Variants in ITPR3 observed in about 807,000 individuals in gnomAD.
The protein encoded by ITPR3 is inositol 1,4,5-trisphosphate receptor type 3, also known as inositol 1,4,5-trisphosphate-gated calcium channel ITPR3.
ITPR3 carries 173 observed loss-of-function variants against 293.2 expected under a neutral mutation model. That is an observed-to-expected ratio of 0.59 (90% CI 0.52 to 0.67). The LOEUF (loss-of-function observed/expected upper bound fraction) is 0.67. Among genes scored for constraint, ITPR3 ranks in the 30% least tolerant of loss-of-function variants. ITPR3 has a pLI of 0.00. For synonymous variants in ITPR3, 1,295 were observed against 1,444.4 expected (o/e 0.90, Z 2.35); for missense variants, 2,796 against 3,592.1 (o/e 0.78, Z 5.66).
At chr6:33,674,148 T>G (rs1453320055) in intron 23 of ITPR3, 60 bp from the exon 24 acceptor site, 12 of 1,590,878 alleles carry the variant, frequency 7.5e-6, no homozygotes, top group Non-Finnish European at 1.0e-5. Flanking sequence ...TGTCTCCCTG[T>G]GCTCCCCTCT....
At position 33,664,171 on chromosome 6, in the gene ITPR3, A is replaced by G. The variant is rs1269482787; in HGVS notation, c.1148+291A>G. Among the ~76,000 whole-genome samples, 3 of 152,148 alleles carry G rather than the reference A, an allele frequency of 2.0e-5. No homozygotes were observed. The highest frequency in any genetic ancestry group is 7.2e-5 in the African/African-American group (3 of 41,418). On this transcript the variant is annotated intron_variant, in intron 11 of 57. Transcript: ENST00000605930. This position sits in a 1 kb window ranked among gnomAD's most constrained non-coding sequence, Gnocchi z 4.4. The stretch of plus-strand genomic sequence containing the variant: ...GCAGCACAGGGAACCCAAACACTGG[A>G]TGGGAAGGCCAGACTCTCTGGCCTT...
In ITPR3 at chr6:33,665,209, C is replaced by T. The variant is rs762747056; in HGVS notation, c.1405C>T (p.Arg469Cys). 2.5e-6 allele frequency: 4 copies of T among 1,612,894 alleles called. No individual in the cohort carries two copies. Among genetic ancestry groups the T allele is most frequent in the East Asian group, 2.2e-5 (1 of 44,864 alleles). ...LNEGFISQND[R>C]RFVIQLLEDL... ...CGAGGGCTTCATCAGCCAGAATGAC[C>T]GCAGGTGGGCTGCAGTGGCACAGGG... is the stretch of plus-strand genomic sequence containing the variant. The change falls in exon 13 of 58, where the codon CGC (arginine) becomes TGC (cysteine). Residue 469 changes from arginine (R) to cysteine (C), a missense_variant. This residue lies in a region of ITPR3 where 955 missense variants were observed against 1,180.8 expected (regional missense o/e 0.81). Coordinates refer to ENST00000605930, the MANE Select transcript of ITPR3 (RefSeq NM_002224.4).
rs1279890506 is a variant in ITPR3 at position 33,672,096 on chromosome 6, G to A, written c.2796G>A (p.Lys932=). The A allele has an allele frequency of 6.2e-7, 1 of 1,613,912 alleles. No homozygotes were observed. ...TGTCCACCATGGTGCTGAGCCGCAA[G>A]CAGTCCGTCTTCAGTGCCCCCAGCC... ...HMMSTMVLSR[K]QSVFSAPSLS... is the part of the protein sequence containing the mutation. Residue 932 remains lysine, a synonymous_variant, in exon 22 of 58, where the codon AAG becomes AAA. Coordinates refer to ENST00000605930, the MANE Select transcript of ITPR3 (RefSeq NM_002224.4). The surrounding 1 kb of genome is among the most constrained non-coding windows in gnomAD (Gnocchi z 5.0).
chr6:33,668,757 T>C, intron 17 of ITPR3, 123 bp downstream of exon 17: 1 of 1,467,514 alleles, frequency 6.8e-7, no homozygotes, highest in South Asian at 1.3e-5. Flanking sequence ...AGCTGTGAAC[T>C]CTGTGCCTGT....
At chr6:33,651,663 A>G (rs1261186184) in intron 2 of ITPR3, among the ~76,000 whole-genome samples, 1 of 152,174 alleles carries the variant, frequency 6.6e-6, no homozygotes, top group Non-Finnish European at 1.5e-5. Flanking sequence ...GAGTGTTTCT[A>G]TGTCTGTTTT....
chr6:33,693,361 G>A (rs1044176390), intron 55 of ITPR3, among the ~76,000 whole-genome samples, 184 bp from the exon 56 acceptor site: 1 of 152,140 alleles, frequency 6.6e-6, no homozygotes, highest in Non-Finnish European at 1.5e-5. Flanking sequence ...CGGCAGGGCA[G>A]GATCTCCACT....
intron 56 of ITPR3, chr6:33,694,412 G>A (rs868483718): frequency 9.1e-5 from 15 of 164,526 alleles, no homozygotes; most frequent in Non-Finnish European, 1.7e-4. Context: ...CTCCCCCCCC[G>A]ACTCCTCTGT....
At chr6:33,671,350 C>A in intron 21 of ITPR3, 44 bp downstream of exon 21, 1 of 1,440,826 alleles carries the variant, frequency 6.9e-7, no homozygotes, top group Non-Finnish European at 9.6e-7. Flanking sequence ...GGTCCTCAGC[C>A]TCCTCCTAGC....
At chr6:33,695,360 G>C in intron 57 of ITPR3, 4 of 562,102 alleles carry the variant, frequency 7.1e-6, no homozygotes, top group South Asian at 6.8e-5. Context: ...ACAGCTGCCA[G>C]GTAGGTCCTT....
chr6:33,693,706 G>A lies in ITPR3; in HGVS notation c.7785+1G>A, dbSNP rs772672324. ...GAGCTACGTGGCCCAGATGATCAAG[G>A]TGTGAGCAGGGGCTGTGCCAGGCCT... is the stretch of plus-strand genomic sequence containing the variant. On this transcript the variant is annotated splice_donor_variant, in intron 56 of 57. Coordinates refer to ENST00000605930, the MANE Select transcript of ITPR3 (RefSeq NM_002224.4). LOFTEE classifies it high-confidence loss of function. 6.2e-7 allele frequency: 1 copy of A among 1,613,980 alleles called. No individual in the cohort carries two copies. Among genetic ancestry groups the A allele is most frequent in the Non-Finnish European group, 8.5e-7 (1 of 1,179,936 alleles).
Position 33,683,226 on chromosome 6 carries a change from G to T in ITPR3, c.4617G>T (p.Leu1539Phe). 6.5e-7 allele frequency: 1 copy of T among 1,538,832 alleles called. No individual in the cohort carries two copies. The highest frequency in any genetic ancestry group is 8.8e-7 in the Non-Finnish European group (1 of 1,135,602). ...ACCCAGCCAAGGGCCGGGCCATCTT[G>T]CTGCCCATGGACCTGGATGCCCACA... is the stretch of plus-strand genomic sequence containing the variant. ...LAMVAKGRAI[L>F]LPMDLDAHIS... The change falls in exon 35 of 58, where the codon TTG becomes TTT. Residue 1539 changes from leucine (L) to phenylalanine (F), a missense_variant. Physicochemically the swap from Leu to Phe is conservative, Grantham distance 22 (BLOSUM62 0). Coordinates refer to ENST00000605930, the MANE Select transcript of ITPR3 (RefSeq NM_002224.4). The surrounding 1 kb of genome is among the most constrained non-coding windows in gnomAD (Gnocchi z 4.5).
At chr6:33,625,571 A>T (rs750845131) in intron 1 of ITPR3, among the ~76,000 whole-genome samples, 9 of 152,328 alleles carry the variant, frequency 5.9e-5, no homozygotes, top group Non-Finnish European at 1.2e-4. Context: ...CCAGACCCAC[A>T]GAAAGTAAAC....
In ITPR3 at chr6:33,682,451, C is replaced by T. The variant is rs1021287487; in HGVS notation, c.4477-73C>T. ...CCACCCATGCCCATTCTGATTGGGC[C>T]CTGGTTCCTGGACCTGGGGTTGCCC... is the stretch of plus-strand genomic sequence containing the variant. On this transcript the variant is annotated intron_variant, in intron 33 of 57. Transcript: ENST00000605930. The surrounding 1 kb of genome is among the most constrained non-coding windows in gnomAD (Gnocchi z 5.4). 3.0e-5 allele frequency: 43 copies of T among 1,454,948 alleles called. No homozygotes were observed. Among genetic ancestry groups the T allele is most frequent in the Non-Finnish European group, 3.8e-5 (42 of 1,104,760 alleles). The allele number at this position is 1,454,948 out of a possible 1,614,324, so 90.1% of individuals were successfully genotyped here.
intron 1 of ITPR3, among the ~76,000 whole-genome samples, chr6:33,630,481 G>A (rs1369664473): frequency 6.6e-6 from 1 of 152,168 alleles, no homozygotes; most frequent in Non-Finnish European, 1.5e-5. Context: ...GCTGGCTGGC[G>A]GCCCATGGTT....
chr6:33,678,957 GC>G, intron 30 of ITPR3, 118 bp downstream of exon 30: 1 of 1,029,880 alleles, frequency 9.7e-7, no homozygotes, highest in African/African-American at 1.6e-5. Flanking sequence ...GGAACACTCA[GC>G]TGCTGACCAT....
chr6:33,689,779 TA>T (rs1180728675), intron 50 of ITPR3, among the ~76,000 whole-genome samples: 1 of 152,222 alleles, frequency 6.6e-6, no homozygotes, highest in African/African-American at 2.4e-5. Flanking sequence ...GAGCGAGGAA[TA>T]CCTTTCCCTG....
At chr6:33,677,880 C>T (rs531970048) in intron 28 of ITPR3, among the ~76,000 whole-genome samples, 2 of 152,224 alleles carry the variant, frequency 1.3e-5, no homozygotes, top group African/African-American at 4.8e-5. Context: ...GATTCTTGAC[C>T]TTGACTCCCT....
At position 33,691,424 on chromosome 6, in the gene ITPR3, A is replaced by G. The variant is rs1251332686; in HGVS notation, c.7226-191A>G. On this transcript the variant is annotated intron_variant, in intron 52 of 57. Coordinates refer to ENST00000605930, the MANE Select transcript of ITPR3 (RefSeq NM_002224.4). The surrounding 1 kb of genome is among the most constrained non-coding windows in gnomAD (Gnocchi z 4.9). ...GTGTGCCAGGCCTAGGGGTACAGAG[A>G]CCCCTCCCTGCCCTTAGTGTGCAAC... Among the ~76,000 whole-genome samples, 3 of 151,442 alleles carry G rather than the reference A, an allele frequency of 2.0e-5. No individual in the cohort carries two copies. Among genetic ancestry groups the G allele is most frequent in the Admixed American group, 2.0e-4 (3 of 15,228 alleles).
rs1432478384 is a variant in ITPR3 at position 33,677,088 on chromosome 6, G to C, written c.3521G>C (p.Gly1174Ala). 3.7e-6 allele frequency: 6 copies of C among 1,613,896 alleles called. No individual in the cohort carries two copies. The African/African-American group carries it at 5.3e-5, about 14-fold the overall frequency. The change falls in exon 27 of 58, where the codon GGC becomes GCC. Residue 1174 changes from glycine to alanine, a missense_variant and splice_region_variant. This residue lies in a region of ITPR3 where 344 missense variants were observed against 460.3 expected (regional missense o/e 0.75). Transcript: ENST00000605930. ...KSSENYQIVK[G>A]ILERLNKMCG... Reference sequence around the variant, plus strand: ...AGTGAGAACTACCAGATCGTCAAGGGCGTGAGTGGCCAAGGGTCCTCGGGG... The same window carrying C: ...AGTGAGAACTACCAGATCGTCAAGGCCGTGAGTGGCCAAGGGTCCTCGGGG...
Sources: allele counts gnomAD v4.1 joint callset (sites outside exome capture counted in the v4.1 genomes callset), GRCh38; gene constraint gnomAD v4.1.1; regional missense constraint gnomAD v4.1.1; non-coding constraint Gnocchi (gnomAD v3.1); transcripts MANE v1.5; gene names NCBI Gene and HGNC (gene_info 2026-07-23, HGNC 2026-07-21).